The following GALNT10 variants were observed in gnomAD, a reference collection of about 807,000 sequenced individuals.
GALNT10 encodes the protein polypeptide N-acetylgalactosaminyltransferase 10.
GALNT10 carries 41 observed loss-of-function variants against 75.0 expected under a neutral mutation model. That is an observed-to-expected ratio of 0.55 (90% CI 0.43 to 0.71). The LOEUF is 0.71. GALNT10 is among the 30% of genes least tolerant of loss of function. The pLI is 0.00. For synonymous variants in GALNT10, 302 were observed against 313.0 expected (o/e 0.96, Z 0.37); for missense variants, 727 against 818.5 (o/e 0.89, Z 1.36).
intron 7 of GALNT10, 150 bp downstream of exon 7, chr5:154,386,580 C>A: frequency 3.3e-5 from 11 of 334,276 alleles, no homozygotes; most frequent in Admixed American, 9.6e-5. Flanking sequence ...GACAGGGGCT[C>A]ATGGGCCACT....
intron 8 of GALNT10, among the ~76,000 whole-genome samples, chr5:154,407,215 C>CA (rs1401561431): frequency 6.6e-6 from 1 of 152,174 alleles, no homozygotes; most frequent in Non-Finnish European, 1.5e-5. Flanking sequence ...AGTTGGGCCT[C>CA]AGACGGGACT....
chr5:154,404,002 C>A (rs1272980387), intron 7 of GALNT10, 102 bp from the exon 8 acceptor site: 3 of 877,264 alleles, frequency 3.4e-6, no homozygotes, highest in African/African-American at 1.6e-5. Flanking sequence ...AGCAGACAAT[C>A]CAGGCTGATG....
intron 1 of GALNT10, among the ~76,000 whole-genome samples, chr5:154,206,676 C>T (rs759990445): frequency 3.9e-5 from 6 of 152,186 alleles, no homozygotes; most frequent in East Asian, 1.9e-4. Context: ...TGGCAGGAAG[C>T]GGGGAGCCTC....
rs554425469 is a variant in GALNT10, at chr5:154,225,566, T to A, written c.159+34541T>A. On this transcript the variant is annotated intron_variant, in intron 1 of 11. Coordinates refer to ENST00000297107, the MANE Select transcript of GALNT10 (RefSeq NM_198321.4). ...CCACCACACTTGGCTAATTTTTTTT[T>A]TTATTATTTTTATCTTTTGTTGAGA... Among the ~76,000 whole-genome samples, 57 of 151,980 alleles carry A rather than the reference T, an allele frequency of 3.8e-4. 1 individual carries two copies. The highest frequency in any genetic ancestry group is 1.2e-3 in the African/African-American group (49 of 41,446).
intron 5 of GALNT10, among the ~76,000 whole-genome samples, chr5:154,377,134 C>T (rs1009949355): frequency 1.3e-5 from 2 of 152,190 alleles, no homozygotes; most frequent in African/African-American, 2.4e-5. Flanking sequence ...ATCCACTAGC[C>T]CTCCACCACA....
rs1756558955 is a variant in GALNT10 at position 154,418,411 on chromosome 5, TC to T, written c.*1441del. On this transcript the variant is annotated 3_prime_UTR_variant, in exon 12 of 12. Transcript: ENST00000297107. ...TTACATGTCAGACTCCTAGAGGGCC[TC>T]CAGACTAATAGGAAGCATTTCTGTA... The T allele has an allele frequency of 6.6e-6, 1 of 152,224 alleles. No homozygotes were observed. Among genetic ancestry groups the T allele is most frequent in the African/African-American group, 2.4e-5 (1 of 41,460 alleles). The allele number at this position is 152,224 out of a possible 1,614,324, so 9.4% of individuals were successfully genotyped here. A position where few individuals can be genotyped will look rare whatever the true frequency, so the allele number is the denominator to read the frequency against.
At chr5:154,345,406 A>G (rs1755106073) in intron 4 of GALNT10, among the ~76,000 whole-genome samples, 1 of 152,030 alleles carries the variant, frequency 6.6e-6, no homozygotes, top group South Asian at 2.1e-4. Flanking sequence ...GAACTTACTC[A>G]TCTTTGAACT....
At chr5:154,277,290 G>A (rs1174243918) in intron 1 of GALNT10, among the ~76,000 whole-genome samples, 1 of 151,506 alleles carries the variant, frequency 6.6e-6, no homozygotes, top group Non-Finnish European at 1.5e-5. Context: ...CATCTTTCTA[G>A]CATACTAGGC....
chr5:154,306,891 T>C (rs1754443356), intron 3 of GALNT10, among the ~76,000 whole-genome samples: 1 of 152,234 alleles, frequency 6.6e-6, no homozygotes, highest in African/African-American at 2.4e-5. Flanking sequence ...TATAACCTAA[T>C]TGATATTTAT....
At chr5:154,272,498 G>A (rs957493782) in intron 1 of GALNT10, among the ~76,000 whole-genome samples, 2 of 152,220 alleles carry the variant, frequency 1.3e-5, no homozygotes, top group Non-Finnish European at 2.9e-5. Context: ...TTACCTGTGG[G>A]TGTTTTGTCC....
intron 4 of GALNT10, among the ~76,000 whole-genome samples, chr5:154,334,497 G>A (rs1438292584): frequency 6.6e-6 from 1 of 152,168 alleles, no homozygotes; most frequent in Non-Finnish European, 1.5e-5. Context: ...GTTTTTATGA[G>A]GAAAAACAAG....
chr5:154,198,253 C>T (rs148146308), intron 1 of GALNT10, among the ~76,000 whole-genome samples: 4 of 152,186 alleles, frequency 2.6e-5, no homozygotes, highest in Non-Finnish European at 4.4e-5. Flanking sequence ...AATTCTTGGT[C>T]TGTAAAATGG....
chr5:154,288,530 C>T (rs1168400061), intron 1 of GALNT10, among the ~76,000 whole-genome samples: 1 of 151,994 alleles, frequency 6.6e-6, no homozygotes, highest in East Asian at 1.9e-4. Flanking sequence ...CAGTCAAAAT[C>T]CATTGCCAAT....
chr5:154,327,022 C>G (rs1009014690), intron 3 of GALNT10, among the ~76,000 whole-genome samples: 1 of 151,952 alleles, frequency 6.6e-6, no homozygotes, highest in African/African-American at 2.4e-5. Flanking sequence ...TTCATACCAG[C>G]CTGGGCAACT....
At chr5:154,321,341 G>A (rs1400904546) in intron 3 of GALNT10, among the ~76,000 whole-genome samples, 3 of 149,148 alleles carry the variant, frequency 2.0e-5, no homozygotes, top group South Asian at 2.1e-4. Flanking sequence ...ACACGGTCTC[G>A]CTCTGTCACC....
At chr5:154,341,243 C>T (rs576609082) in intron 4 of GALNT10, among the ~76,000 whole-genome samples, 2 of 152,250 alleles carry the variant, frequency 1.3e-5, no homozygotes, top group South Asian at 4.2e-4. Flanking sequence ...GCCTAAAAGA[C>T]AAAAATGTTC....
chr5:154,401,405 G>A (rs1030936790), intron 7 of GALNT10, among the ~76,000 whole-genome samples: 1 of 152,236 alleles, frequency 6.6e-6, no homozygotes, highest in African/African-American at 2.4e-5. Context: ...GGGCAGCCCA[G>A]CAGCGACCTG....
At chr5:154,240,165 A>G (rs1753308416) in intron 1 of GALNT10, among the ~76,000 whole-genome samples, 1 of 152,224 alleles carries the variant, frequency 6.6e-6, no homozygotes, top group African/African-American at 2.4e-5. Context: ...GGTCATTGCT[A>G]TCCTTATGGG....
In GALNT10 at chr5:154,205,194, G is replaced by T. The variant is rs745644664; in HGVS notation, c.159+14169G>T. 4.6e-4 allele frequency among the ~76,000 whole-genome samples: 70 copies of T among 152,192 alleles called. 3 individuals carry two copies. The highest frequency in any genetic ancestry group is 3.8e-4 in the Non-Finnish European group (26 of 68,030). On this transcript the variant is annotated intron_variant, in intron 1 of 11. Coordinates refer to ENST00000297107, the MANE Select transcript of GALNT10 (RefSeq NM_198321.4). ...GTTGAGATCAGAAGGCCTCAAAAGT[G>T]TTAGCTCCCTAAGGCAACAGTCAAA...
Sources: gnomAD v4.1 joint callset for allele counts (sites outside exome capture counted in the v4.1 genomes callset) on GRCh38, gnomAD v4.1.1 for gene constraint, MANE v1.5 for transcripts, NCBI Gene and HGNC (gene_info 2026-07-23, HGNC 2026-07-21) for gene names.